The following DNAH11 variants were observed in gnomAD, a reference collection of about 807,000 sequenced individuals.
The protein encoded by DNAH11 is dynein axonemal heavy chain 11.
DNAH11 carries 442 observed loss-of-function variants against 526.0 expected under a neutral mutation model. The ratio of observed to expected loss-of-function variants is 0.84; its 90% CI spans 0.78 to 0.91. The LOEUF (loss-of-function observed/expected upper bound fraction) is 0.91, where lower values mean the gene tolerates loss of function less well. Ranked by LOEUF, DNAH11 falls within the 40% of genes least tolerant of loss-of-function variation. The pLI, the probability that DNAH11 is intolerant of heterozygous loss-of-function variation, is 0.00. For missense variants in DNAH11, 6,989 were observed against 5,448.7 expected, an observed-to-expected ratio of 1.28 and a Z score of -8.90; for synonymous variants, 2,461 against 1,935.9, an observed-to-expected ratio of 1.27 and a Z score of -7.12.
At chr7:21,630,829 C>G (rs557330087) in intron 25 of DNAH11, among the ~76,000 whole-genome samples, 4 of 152,208 alleles carry the variant, frequency 2.6e-5, no homozygotes, top group East Asian at 3.9e-4. Flanking sequence ...ATTTGGTGTT[C>G]TCTGACCTTT....
chr7:21,591,069 A>G (rs1036265529), intron 13 of DNAH11, 47 bp downstream of exon 13: 4 of 1,377,834 alleles, frequency 2.9e-6, no homozygotes, highest in Admixed American at 3.4e-5. Flanking sequence ...TATTATGAAT[A>G]TAAATATTTT....
chr7:21,749,688 C>T lies in DNAH11; in HGVS notation c.8684C>T (p.Ala2895Val), dbSNP rs530087550. ...GGCCTTTCCTTACAGGTAGATCTTGCCAATTTGTACATCCGAACTGGAGCC... is the reference window on the plus strand; with the variant it reads ...GGCCTTTCCTTACAGGTAGATCTTGTCAATTTGTACATCCGAACTGGAGCC... ...YGIQELRVDL[A>V]NLYIRTGAKN... The change falls in exon 53 of 82, where the codon GCC becomes GTC. Residue 2895 changes from alanine to valine, a missense_variant. Physicochemically the swap from Ala to Val is moderately conservative, Grantham distance 64 (BLOSUM62 0). Transcript: ENST00000409508. The T allele has an allele frequency of 1.9e-6, 3 of 1,613,646 alleles. No homozygotes were observed. Among genetic ancestry groups the T allele is most frequent in the Admixed American group, 1.7e-5 (1 of 59,990 alleles).
intron 6 of DNAH11, among the ~76,000 whole-genome samples, chr7:21,564,599 A>C (rs1197597229): frequency 6.6e-6 from 1 of 152,186 alleles, no homozygotes; most frequent in East Asian, 1.9e-4. Flanking sequence ...AGACATAATC[A>C]AAGGACAAGT....
At chr7:21,706,355 C>A (rs1270105912) in intron 39 of DNAH11, among the ~76,000 whole-genome samples, 2 of 151,676 alleles carry the variant, frequency 1.3e-5, no homozygotes, top group Non-Finnish European at 2.9e-5. Flanking sequence ...TGGTAGCCAG[C>A]AGCTAAAAAT....
In DNAH11 at chr7:21,615,204, C is replaced by G; in HGVS notation, c.3943C>G (p.Gln1315Glu). 1.2e-6 allele frequency: 2 copies of G among 1,613,316 alleles called. No homozygotes were observed. Among genetic ancestry groups the G allele is most frequent in the African/African-American group, 1.3e-5 (1 of 75,006 alleles). Reference sequence around the variant, plus strand: ...TGAAGTGGCTCTTCCAGAGTACAAACAAATGAAACAGTGTCGCAAAGAAAT... The same window carrying G: ...TGAAGTGGCTCTTCCAGAGTACAAAGAAATGAAACAGTGTCGCAAAGAAAT... ...LFEVALPEYK[Q>E]MKQCRKEIKL... Residue 1315 changes from glutamine (Q) to glutamate (E), a missense_variant, in exon 21 of 82, where the codon CAA becomes GAA. Coordinates refer to ENST00000409508, the MANE Select transcript of DNAH11 (RefSeq NM_001277115.2).
At chr7:21,699,051 T>C (rs1562496345) in intron 36 of DNAH11, among the ~76,000 whole-genome samples, 1 of 152,214 alleles carries the variant, frequency 6.6e-6, no homozygotes, top group East Asian at 1.9e-4. Context: ...GTCAATTTTG[T>C]AATCATAAAT....
intron 25 of DNAH11, 86 bp downstream of exon 25, chr7:21,620,164 T>C (rs567079833): frequency 8.9e-7 from 1 of 1,121,928 alleles, no homozygotes; most frequent in Admixed American, 3.4e-5. Flanking sequence ...ATGTGATGTT[T>C]TGATGTATGT....
intron 43 of DNAH11, 113 bp downstream of exon 43, chr7:21,718,038 G>C (rs1583623482): frequency 7.0e-7 from 1 of 1,433,488 alleles, no homozygotes; most frequent in East Asian, 2.3e-5. Context: ...TTCTGGAATT[G>C]TTAGATTGCT....
At position 21,801,145 on chromosome 7, in the gene DNAH11, T is replaced by C; in HGVS notation, c.10035T>C (p.Asp3345=). 1 of 1,607,978 alleles carries C rather than the reference T, an allele frequency of 6.2e-7. No individual in the cohort carries two copies. Among genetic ancestry groups the C allele is most frequent in the Non-Finnish European group, 8.5e-7 (1 of 1,176,812 alleles). The change falls in exon 62 of 82, where the codon GAT becomes GAC. Residue 3345 remains aspartate, a synonymous_variant. Coordinates refer to ENST00000409508, the MANE Select transcript of DNAH11 (RefSeq NM_001277115.2). ...EAIRKKLVDL[D]RNLSRLTASF... ...ATTCAACTCTGATTCAGGATCTGGA[T>C]CGAAATCTGAGCAGACTCACGGCTT...
Position 21,658,958 on chromosome 7 carries a change from C to A in DNAH11, c.5255C>A (p.Thr1752Lys). Residue 1752 changes from threonine to lysine, a missense_variant, in exon 30 of 82, where the codon ACA (threonine) becomes AAA (lysine). Transcript: ENST00000409508. ...ACCAGCTCACAAATATGGTGGACCA[C>A]AGATGTAGGAATAGCCTTCAGTAGA... ...ALTSSQIWWT[T>K]DVGIAFSRLE... 1 of 1,610,886 alleles carries A rather than the reference C, an allele frequency of 6.2e-7. No homozygotes were observed. The highest frequency in any genetic ancestry group is 8.5e-7 in the Non-Finnish European group (1 of 1,178,656).
At chr7:21,848,181 A>AG (rs892943578) in intron 66 of DNAH11, among the ~76,000 whole-genome samples, 2 of 151,774 alleles carry the variant, frequency 1.3e-5, no homozygotes, top group Non-Finnish European at 2.9e-5. Context: ...AAAAAAAAAA[A>AG]AAGATTATTA....
At chr7:21,663,391 A>C (rs966894877) in intron 30 of DNAH11, among the ~76,000 whole-genome samples, 2 of 152,104 alleles carry the variant, frequency 1.3e-5, no homozygotes, top group Non-Finnish European at 2.9e-5. Context: ...GTTCTTTGAG[A>C]AATCTCCATA....
At chr7:21,552,439 C>G (rs962979756) in intron 2 of DNAH11, among the ~76,000 whole-genome samples, 21 of 152,290 alleles carry the variant, frequency 1.4e-4, no homozygotes, top group African/African-American at 5.1e-4. Context: ...TTCTTCGCTT[C>G]CCTTTACTAA....
chr7:21,848,166 C>CAAAAAAAAAAAA lies in DNAH11; in HGVS notation c.10897-4295_10897-4284dup, dbSNP rs58058317. Among the ~76,000 whole-genome samples, 63 of 89,002 alleles carry CAAAAAAAAAAAA rather than the reference C, an allele frequency of 7.1e-4. 3 individuals are homozygous for CAAAAAAAAAAAA. Among genetic ancestry groups the CAAAAAAAAAAAA allele is most frequent in the African/African-American group, 2.5e-3 (59 of 23,742 alleles). 58.4% of individuals were successfully genotyped at this position (89,002 alleles called of 152,430 possible). On this transcript the variant is annotated intron_variant, in intron 66 of 81. Coordinates refer to ENST00000409508, the MANE Select transcript of DNAH11 (RefSeq NM_001277115.2). Reference sequence around the variant, plus strand: ...TGGGTGATAGAGCGAGACTCTGTTTCAAAAAAAAAAAAAAAAAGATTATTA... The same window carrying CAAAAAAAAAAAA: ...TGGGTGATAGAGCGAGACTCTGTTTCAAAAAAAAAAAAAAAAAAAAAAAAAAAAAGATTATTA...
chr7:21,895,547 C>T (rs1452900630), intron 79 of DNAH11, among the ~76,000 whole-genome samples: 1 of 152,138 alleles, frequency 6.6e-6, no homozygotes, highest in Non-Finnish European at 1.5e-5. Context: ...GATGTTACAC[C>T]TAATTGCTCC....
intron 65 of DNAH11, 55 bp from the exon 66 acceptor site, chr7:21,842,489 G>T: frequency 7.0e-7 from 1 of 1,420,896 alleles, no homozygotes; most frequent in Non-Finnish European, 9.7e-7. Context: ...TGACACCGTA[G>T]TATCAGTTAT....
chr7:21,574,866 GCTTTTTTTT>G (rs1255154763), intron 8 of DNAH11, among the ~76,000 whole-genome samples: 1 of 102,658 alleles, frequency 9.7e-6, no homozygotes, highest in East Asian at 5.4e-4. Context: ...ACTGCACTGG[GCTTTTTTTT>G]TTTTTTTTTT....
At chr7:21,570,564 A>G in intron 7 of DNAH11, 1 of 267,012 alleles carries the variant, frequency 3.7e-6, no homozygotes, top group Middle Eastern at 1.1e-3. Context: ...AGTGACTCTT[A>G]GAATTGACTA....
At chr7:21,565,625 T>A (rs1783636676) in intron 6 of DNAH11, among the ~76,000 whole-genome samples, 1 of 152,190 alleles carries the variant, frequency 6.6e-6, no homozygotes, top group African/African-American at 2.4e-5. Flanking sequence ...GCTTTGGACC[T>A]AGACCAACCT....
Sources: gnomAD v4.1 joint callset for allele counts (sites outside exome capture counted in the v4.1 genomes callset) on GRCh38, gnomAD v4.1.1 for gene constraint, MANE v1.5 for transcripts, NCBI Gene and HGNC (gene_info 2026-07-23, HGNC 2026-07-21) for gene names.